Variants in C2orf76 observed in about 807,000 individuals in gnomAD.
C2orf76 encodes the protein UPF0538 protein C2orf76.
Under a neutral mutation model 16.9 loss-of-function variants are expected in C2orf76, and 23 were observed. That is an observed-to-expected ratio of 1.36 (90% CI 0.98 to 1.93). The LOEUF is 1.93. Ranked by LOEUF, C2orf76 falls within the 30% of genes most tolerant of loss-of-function variation. The pLI is 0.00. For synonymous variants in C2orf76, 48 were observed against 52.3 expected (o/e 0.92, Z 0.35); for missense variants, 152 against 152.6 (o/e 1.00, Z 0.02).
chr2:119,350,669 C>T (rs1301170326), intron 1 of C2orf76, among the ~76,000 whole-genome samples: 1 of 152,188 alleles, frequency 6.6e-6, no homozygotes, highest in Non-Finnish European at 1.5e-5. Context: ...AGCTTGGAAG[C>T]TTTGAGACCC....
chr2:119,362,839 G>A (rs932214229), intron 1 of C2orf76, among the ~76,000 whole-genome samples: 1 of 152,130 alleles, frequency 6.6e-6, no homozygotes, highest in South Asian at 2.1e-4. Context: ...AGAAGAGGAA[G>A]AAGAAAATGG....
chr2:119,360,195 T>G (rs1238925361), intron 1 of C2orf76, among the ~76,000 whole-genome samples: 1 of 152,110 alleles, frequency 6.6e-6, no homozygotes. Context: ...ATATGTACAT[T>G]TGAGGCCAGG....
At chr2:119,358,662 CACA>C (rs1482921770) in intron 1 of C2orf76, among the ~76,000 whole-genome samples, 1 of 151,752 alleles carries the variant, frequency 6.6e-6, no homozygotes, top group Non-Finnish European at 1.5e-5. Context: ...CCAGACCACC[CACA>C]ACATTTCCTT....
intron 1 of C2orf76, among the ~76,000 whole-genome samples, chr2:119,343,006 G>A (rs759531776): frequency 6.6e-6 from 1 of 152,126 alleles, no homozygotes; most frequent in Non-Finnish European, 1.5e-5. Context: ...ATGACCTCGG[G>A]TGAACCGCCT....
chr2:119,356,381 A>T (rs1322666457), intron 1 of C2orf76, among the ~76,000 whole-genome samples: 1 of 145,360 alleles, frequency 6.9e-6, no homozygotes, highest in East Asian at 2.0e-4. Flanking sequence ...TGGGTGACAG[A>T]GCGAGACTCT....
At chr2:119,339,689 G>A in intron 2 of C2orf76, 138 bp downstream of exon 2, 2 of 851,936 alleles carry the variant, frequency 2.3e-6, no homozygotes, top group South Asian at 4.1e-5. Flanking sequence ...CCCAGAACCG[G>A]GGCTCGCCCA....
intron 1 of C2orf76, among the ~76,000 whole-genome samples, chr2:119,364,314 G>A (rs1680851812): frequency 6.6e-6 from 1 of 152,156 alleles, no homozygotes; most frequent in African/African-American, 2.4e-5. Flanking sequence ...TGATTGGCAG[G>A]GTCAATTTGG....
the C2orf76 span, among the ~76,000 whole-genome samples, chr2:119,293,778 A>G: frequency 6.6e-6 from 1 of 152,200 alleles, no homozygotes; most frequent in Non-Finnish European, 1.5e-5. Context: ...GGGTAAAAGA[A>G]AAAAGAGATA....
intron 4 of C2orf76, among the ~76,000 whole-genome samples, chr2:119,314,014 G>GC (rs1553446123): frequency 2.3e-5 from 2 of 86,166 alleles, no homozygotes; most frequent in African/African-American, 5.0e-5. Context: ...TTTCTCAGTG[G>GC]TTTTTTTTTT....
chr2:119,352,334 C>A (rs918860358), intron 1 of C2orf76, among the ~76,000 whole-genome samples: 1 of 152,192 alleles, frequency 6.6e-6, no homozygotes, highest in Non-Finnish European at 1.5e-5. Context: ...GAAAAAGGTA[C>A]AACTTTCAAA....
chr2:119,313,398 A>G (rs1368637389), intron 4 of C2orf76, among the ~76,000 whole-genome samples: 2 of 152,048 alleles, frequency 1.3e-5, no homozygotes, highest in Non-Finnish European at 2.9e-5. Flanking sequence ...GACCAGCCTG[A>G]GCAAGATAGC....
intron 1 of C2orf76, among the ~76,000 whole-genome samples, chr2:119,361,750 G>C (rs970749532): frequency 1.3e-5 from 2 of 152,104 alleles, no homozygotes; most frequent in African/African-American, 4.8e-5. Context: ...GCCTCCATTG[G>C]GGGGGTCTTG....
chr2:119,356,773 A>G (rs958889127), intron 1 of C2orf76, among the ~76,000 whole-genome samples: 1 of 152,106 alleles, frequency 6.6e-6, no homozygotes, highest in Non-Finnish European at 1.5e-5. Flanking sequence ...GGAAAAAAAA[A>G]AGAAGGCACA....
At chr2:119,320,061 A>G (rs1679295833) in intron 3 of C2orf76, among the ~76,000 whole-genome samples, 1 of 152,238 alleles carries the variant, frequency 6.6e-6, no homozygotes, top group South Asian at 2.1e-4. Context: ...AAGGAAGTTA[A>G]TAAGATAGAA....
At chr2:119,339,758 A>T in intron 2 of C2orf76, 69 bp downstream of exon 2, 1 of 1,444,072 alleles carries the variant, frequency 6.9e-7, no homozygotes, top group Admixed American at 1.9e-5. Flanking sequence ...GTTAAAGATT[A>T]TTATTAATGT....
At chr2:119,358,637 GC>G (rs2104648272) in intron 1 of C2orf76, among the ~76,000 whole-genome samples, 1 of 150,804 alleles carries the variant, frequency 6.6e-6, no homozygotes, top group South Asian at 2.1e-4. Context: ...AAGTCTGAGT[GC>G]TCTGGATAGA....
intron 2 of C2orf76, among the ~76,000 whole-genome samples, chr2:119,323,514 C>A (rs1335478541): frequency 6.6e-6 from 1 of 152,118 alleles, no homozygotes; most frequent in Non-Finnish European, 1.5e-5. Context: ...ACGTTTCCAG[C>A]CAGTGCTATG....
chr2:119,350,651 G>A (rs1370367518), intron 1 of C2orf76, among the ~76,000 whole-genome samples: 1 of 152,216 alleles, frequency 6.6e-6, no homozygotes, highest in Non-Finnish European at 1.5e-5. Flanking sequence ...TGGTGAGGAG[G>A]GAAGCATAGC....
the C2orf76 span, among the ~76,000 whole-genome samples, chr2:119,284,928 C>T: frequency 6.6e-6 from 1 of 152,024 alleles, no homozygotes; most frequent in African/African-American, 2.4e-5. Context: ...GGATGGGAGA[C>T]CTTAGGCAAA....
Sources: allele counts gnomAD v4.1 joint callset (sites outside exome capture counted in the v4.1 genomes callset), GRCh38; gene constraint gnomAD v4.1.1; transcripts MANE v1.5; gene names NCBI Gene and HGNC (gene_info 2026-07-23, HGNC 2026-07-21).